DLGAP2: variants seen among roughly 807,000 people sequenced by gnomAD.
DLGAP2 encodes the protein disks large-associated protein 2.
Under a neutral mutation model 100.3 loss-of-function variants are expected in DLGAP2, and 26 were observed. That is an observed-to-expected ratio of 0.26 (90% CI 0.19 to 0.36). The LOEUF (loss-of-function observed/expected upper bound fraction) is 0.36. DLGAP2 is among the 10% of genes least tolerant of loss of function. The pLI is 1.00. For missense variants in DLGAP2, 1,858 were observed against 1,453.2 expected, an observed-to-expected ratio of 1.28 and a Z score of -4.53; for synonymous variants, 886 against 630.1, an observed-to-expected ratio of 1.41 and a Z score of -6.08.
chr8:1,521,114 C>T (rs974384487), intron 4 of DLGAP2, among the ~76,000 whole-genome samples: 13 of 151,346 alleles, frequency 8.6e-5, no homozygotes, highest in African/African-American at 3.2e-4. Flanking sequence ...TGATATGGGG[C>T]GTCTGGTTTG....
intron 3 of DLGAP2, among the ~76,000 whole-genome samples, chr8:1,366,785 C>T (rs773700176): frequency 2.0e-4 from 31 of 152,256 alleles, no homozygotes; most frequent in Non-Finnish European, 4.3e-4. Context: ...CCCCGCAGCA[C>T]GTTTGCTCAG....
chr8:1,643,467 T>C (rs372270984), intron 8 of DLGAP2, among the ~76,000 whole-genome samples: 5 of 17,652 alleles, frequency 2.8e-4, no homozygotes, highest in East Asian at 1.5e-3. Flanking sequence ...AACCCGCCGG[T>C]CCTCACCTGT....
At chr8:1,505,796 T>A (rs1799890068) in intron 4 of DLGAP2, among the ~76,000 whole-genome samples, 1 of 152,170 alleles carries the variant, frequency 6.6e-6, no homozygotes, top group South Asian at 2.1e-4. Context: ...CATTATGACG[T>A]TACTTCTAAG....
At chr8:1,590,970 T>C (rs931400961) in intron 6 of DLGAP2, among the ~76,000 whole-genome samples, 2 of 152,204 alleles carry the variant, frequency 1.3e-5, no homozygotes, top group African/African-American at 4.8e-5. Context: ...AAGCAAAACA[T>C]ATGTGCTTCT....
chr8:833,189 A>T (rs554372001), intron 1 of DLGAP2, among the ~76,000 whole-genome samples: 1 of 152,224 alleles, frequency 6.6e-6, no homozygotes, highest in African/African-American at 2.4e-5. Flanking sequence ...AGTAGTGGTG[A>T]CATCACCCAA....
intron 6 of DLGAP2, chr8:1,619,848 C>G (rs1797270814): frequency 6.6e-6 from 1 of 152,180 alleles, no homozygotes; most frequent in Non-Finnish European, 1.5e-5. Context: ...CACATGTGCT[C>G]CACTGTGCAT....
At chr8:1,069,050 C>G (rs991040991) in intron 2 of DLGAP2, among the ~76,000 whole-genome samples, 1 of 152,152 alleles carries the variant, frequency 6.6e-6, no homozygotes, top group Non-Finnish European at 1.5e-5. Flanking sequence ...TAAAAATCCC[C>G]GGCTGAAGTT....
At chr8:1,316,479 G>A (rs372674824) in intron 3 of DLGAP2, among the ~76,000 whole-genome samples, 2 of 102,102 alleles carry the variant, frequency 2.0e-5, no homozygotes, top group South Asian at 3.5e-4. Flanking sequence ...AAAATAGAGC[G>A]TGTGCGAGTG....
At chr8:1,139,764 A>G (rs1172451128) in intron 2 of DLGAP2, among the ~76,000 whole-genome samples, 1 of 152,104 alleles carries the variant, frequency 6.6e-6, no homozygotes, top group Non-Finnish European at 1.5e-5. Flanking sequence ...GGTGCCTGGC[A>G]CAGGGTTTGG....
intron 2 of DLGAP2, among the ~76,000 whole-genome samples, chr8:1,038,242 G>A (rs1282602461): frequency 6.6e-6 from 1 of 152,212 alleles, no homozygotes; most frequent in African/African-American, 2.4e-5. Context: ...TCTCTCCTCT[G>A]GTTGGAAGAG....
At chr8:1,655,042 T>C (rs1439727771) in intron 8 of DLGAP2, among the ~76,000 whole-genome samples, 1 of 152,254 alleles carries the variant, frequency 6.6e-6, no homozygotes, top group Non-Finnish European at 1.5e-5. Flanking sequence ...TTTTACTGTC[T>C]ACATGTTAAA....
intron 4 of DLGAP2, among the ~76,000 whole-genome samples, chr8:1,529,661 G>C (rs1800918497): frequency 6.6e-6 from 1 of 152,190 alleles, no homozygotes; most frequent in African/African-American, 2.4e-5. Context: ...AATTACAGAA[G>C]TTAAGCTTGA....
chr8:1,590,507 C>T (rs1008228048), intron 6 of DLGAP2, among the ~76,000 whole-genome samples: 3 of 152,152 alleles, frequency 2.0e-5, no homozygotes, highest in South Asian at 2.1e-4. Flanking sequence ...AAGGGAAGCA[C>T]GGATTACTCA....
intron 6 of DLGAP2, among the ~76,000 whole-genome samples, chr8:1,623,632 C>T (rs1278374072): frequency 7.4e-6 from 1 of 135,998 alleles, no homozygotes; most frequent in African/African-American, 2.8e-5. Context: ...CCCCAGTGTG[C>T]CATGACCTGG....
At chr8:1,199,483 A>G (rs1219176190) in intron 2 of DLGAP2, among the ~76,000 whole-genome samples, 2 of 152,216 alleles carry the variant, frequency 1.3e-5, no homozygotes, top group Non-Finnish European at 2.9e-5. Flanking sequence ...CAGTAAAGGC[A>G]CAGGCAGTCC....
At chr8:1,099,901 C>T (rs77453853) in intron 2 of DLGAP2, among the ~76,000 whole-genome samples, 4 of 152,298 alleles carry the variant, frequency 2.6e-5, no homozygotes, top group South Asian at 2.1e-4. Context: ...TCTATTATGC[C>T]GCAAAGCTCT....
At chr8:995,203 A>G (rs1417289031) in intron 2 of DLGAP2, among the ~76,000 whole-genome samples, 6 of 152,182 alleles carry the variant, frequency 3.9e-5, no homozygotes, top group Non-Finnish European at 5.9e-5. Context: ...TAATTTTTTC[A>G]CATTACCGTA....
Position 1,452,143 on chromosome 8 carries a change from G to C in DLGAP2, c.107-49223G>C, listed in dbSNP as rs1386336971. 2.0e-5 allele frequency among the ~76,000 whole-genome samples: 3 copies of C among 152,262 alleles called. No homozygotes were observed. In the South Asian group the frequency reaches 6.2e-4, roughly 32 times the overall value. ...GCCGTGTCTTCCAGCTGTCTGTCAA[G>C]ACACTGCCTCAGTTTGAGGCATAGC... On this transcript the variant is annotated intron_variant, in intron 3 of 14. Coordinates refer to ENST00000637795, the MANE Select transcript of DLGAP2 (RefSeq NM_001346810.2).
rs532944094 is a variant in DLGAP2 at position 1,200,127 on chromosome 8, G to A, written c.74-58724G>A. Among the ~76,000 whole-genome samples the A allele has an allele frequency of 4.6e-5, 7 of 152,198 alleles. No homozygotes were observed. In the South Asian group the frequency reaches 6.2e-4, roughly 14 times the overall value. On this transcript the variant is annotated intron_variant, in intron 2 of 14. Coordinates refer to ENST00000637795, the MANE Select transcript of DLGAP2 (RefSeq NM_001346810.2). ...GGTCGGGGGCGTGGGGGCCGGGAGCGGATCCCTGCACAGGCCCACAGGAGA... is the reference window on the plus strand; with the variant it reads ...GGTCGGGGGCGTGGGGGCCGGGAGCAGATCCCTGCACAGGCCCACAGGAGA...
Sources: allele counts gnomAD v4.1 joint callset (sites outside exome capture counted in the v4.1 genomes callset), GRCh38; gene constraint gnomAD v4.1.1; transcripts MANE v1.5; gene names NCBI Gene and HGNC (gene_info 2026-07-23, HGNC 2026-07-21).